EIF2B3: variants seen among roughly 807,000 people sequenced by gnomAD.
The protein encoded by EIF2B3 is translation initiation factor eIF2B subunit gamma.
Under a neutral mutation model 54.1 loss-of-function variants are expected in EIF2B3, and 20 were observed. That is an observed-to-expected ratio of 0.37 (90% CI 0.26 to 0.54). The LOEUF (loss-of-function observed/expected upper bound fraction) is 0.54, where lower values mean the gene tolerates loss of function less well. Among genes scored for constraint, EIF2B3 ranks in the 20% least tolerant of loss-of-function variants. The pLI is 0.86. For missense variants in EIF2B3, 448 were observed against 547.8 expected (o/e 0.82, Z 1.82); for synonymous variants, 153 against 188.1 (o/e 0.81, Z 1.52).
intron 6 of EIF2B3, among the ~76,000 whole-genome samples, chr1:44,890,115 G>A (rs1469035772): frequency 1.3e-5 from 2 of 152,210 alleles, no homozygotes; most frequent in Non-Finnish European, 2.9e-5. Context: ...CTCACTGAGA[G>A]ATAAGACTCT....
At chr1:44,982,221 A>T (rs2148966387) in intron 1 of EIF2B3, among the ~76,000 whole-genome samples, 1 of 152,318 alleles carries the variant, frequency 6.6e-6, no homozygotes, top group South Asian at 2.1e-4. Flanking sequence ...TAATAAACAA[A>T]CCTATTTGAC....
At chr1:44,926,003 G>A (rs756284341) in intron 5 of EIF2B3, among the ~76,000 whole-genome samples, 5 of 151,744 alleles carry the variant, frequency 3.3e-5, no homozygotes, top group Non-Finnish European at 7.4e-5. Flanking sequence ...CGAGGTGGGC[G>A]GATCACTTGA....
intron 6 of EIF2B3, among the ~76,000 whole-genome samples, chr1:44,895,857 T>C (rs1245519104): frequency 7.9e-5 from 12 of 152,234 alleles, no homozygotes. Context: ...TAAAAAGTCA[T>C]CCTTTCTAAC....
rs567560314 is a variant in EIF2B3, at chr1:44,978,545, A to G, written c.149-85T>C. 1,226 of 1,391,022 alleles carry G rather than the reference A, an allele frequency of 8.8e-4. 1 individual carries two copies. The highest frequency in any genetic ancestry group is 1.1e-3 in the Non-Finnish European group (1,089 of 1,017,024). 86.2% of individuals were successfully genotyped at this position (1,391,022 alleles called of 1,614,324 possible). On this transcript the variant is annotated intron_variant, in intron 2 of 11. Transcript: ENST00000360403. ...CCATTATTTCAATTAGATTTGGTCT[A>G]TTTCTAGGTGTAATAACAACTGCTA...
chr1:44,850,908 T>C lies in EIF2B3; in HGVS notation c.*43A>G. ...AAACAGGTGGGCCGGCCAACATCTG[T>C]GGCTTTGGAGGCCAAAAGGAAGGAG... On this transcript the variant is annotated 3_prime_UTR_variant, in exon 12 of 12. Transcript: ENST00000360403. 2 of 1,610,046 alleles carry C rather than the reference T, an allele frequency of 1.2e-6. No individual in the cohort carries two copies. Among genetic ancestry groups the C allele is most frequent in the Non-Finnish European group, 1.7e-6 (2 of 1,176,312 alleles).
chr1:44,853,994 GTT>G (rs113200962), intron 11 of EIF2B3, among the ~76,000 whole-genome samples: 4 of 137,468 alleles, frequency 2.9e-5, no homozygotes, highest in Non-Finnish European at 3.1e-5. Flanking sequence ...AGCAGTTAGT[GTT>G]TTTTTTTTTT....
chr1:44,982,764 C>CTTT (rs34092748), intron 1 of EIF2B3, among the ~76,000 whole-genome samples: 4 of 138,710 alleles, frequency 2.9e-5, no homozygotes, highest in Admixed American at 7.3e-5. Context: ...CCATGCCTGG[C>CTTT]TTTTTTTTTT....
chr1:44,943,065 G>C (rs2148943461), intron 3 of EIF2B3, among the ~76,000 whole-genome samples: 1 of 151,732 alleles, frequency 6.6e-6, no homozygotes, highest in South Asian at 2.1e-4. Context: ...CACCGTGTTA[G>C]CCAGGATGGT....
intron 8 of EIF2B3, among the ~76,000 whole-genome samples, 186 bp from the exon 9 acceptor site, chr1:44,875,881 C>T (rs1655112370): frequency 6.6e-6 from 1 of 152,238 alleles, no homozygotes; most frequent in African/African-American, 2.4e-5. Flanking sequence ...CTGCAACCTC[C>T]CTGCCTGATT....
At chr1:44,885,313 A>T (rs1021282909) in intron 6 of EIF2B3, among the ~76,000 whole-genome samples, 1 of 148,096 alleles carries the variant, frequency 6.8e-6, no homozygotes, top group African/African-American at 2.6e-5. Context: ...GATATGTGTT[A>T]AAAAAACATA....
At chr1:44,924,544 C>T (rs566692504) in intron 5 of EIF2B3, among the ~76,000 whole-genome samples, 6 of 152,068 alleles carry the variant, frequency 3.9e-5, no homozygotes, top group East Asian at 1.9e-4. Context: ...CATGCCACCA[C>T]GCCTGGCTAA....
chr1:44,940,174 G>C lies in EIF2B3; in HGVS notation c.454+1332C>G, dbSNP rs547476. Among the ~76,000 whole-genome samples the C allele has an allele frequency of 6.8e-3, 1,032 of 152,234 alleles. 13 individuals carry two copies. Among genetic ancestry groups the C allele is most frequent in the African/African-American group, 0.024 (980 of 41,550 alleles). ...ATTAACTAGATTATTCAAATCCTAA[G>C]TATGAAGGCTCTCAGTGGCTCTATT... On this transcript the variant is annotated intron_variant, in intron 4 of 11. Coordinates refer to ENST00000360403, the MANE Select transcript of EIF2B3 (RefSeq NM_020365.5).
At chr1:44,888,998 G>C (rs1003738265) in intron 6 of EIF2B3, among the ~76,000 whole-genome samples, 3 of 152,234 alleles carry the variant, frequency 2.0e-5, no homozygotes, top group African/African-American at 7.2e-5. Context: ...CTGTAGCTCA[G>C]CAGCTAAGGC....
At chr1:44,854,669 C>A (rs1654384200) in intron 11 of EIF2B3, among the ~76,000 whole-genome samples, 1 of 150,242 alleles carries the variant, frequency 6.7e-6, no homozygotes, top group South Asian at 2.1e-4. Flanking sequence ...CTCACCACAA[C>A]CTCTGCCTTC....
At chr1:44,911,573 A>C (rs913073454) in intron 5 of EIF2B3, among the ~76,000 whole-genome samples, 2 of 152,198 alleles carry the variant, frequency 1.3e-5, no homozygotes, top group African/African-American at 4.8e-5. Context: ...GCAGTTACTA[A>C]CACTCCATTG....
At chr1:44,880,603 A>G (rs182463037) in intron 7 of EIF2B3, among the ~76,000 whole-genome samples, 165 of 152,226 alleles carry the variant, frequency 1.1e-3, no homozygotes, top group Non-Finnish European at 1.9e-3. Context: ...TCTTACAACG[A>G]TCCTTTGAGA....
At chr1:44,901,071 A>ATT (rs1643284537) in intron 5 of EIF2B3, among the ~76,000 whole-genome samples, 1 of 152,142 alleles carries the variant, frequency 6.6e-6, no homozygotes, top group Non-Finnish European at 1.5e-5. Context: ...CAGTTTCCCA[A>ATT]AGAGGTGGGA....
intron 3 of EIF2B3, among the ~76,000 whole-genome samples, chr1:44,957,969 G>T (rs185224734): frequency 6.6e-6 from 1 of 152,138 alleles, no homozygotes; most frequent in Non-Finnish European, 1.5e-5. Context: ...AATCCCACTT[G>T]TAAGAATTTA....
In EIF2B3 at chr1:44,860,911, G is replaced by C. The variant is rs185825307; in HGVS notation, c.1203-3104C>G. On this transcript the variant is annotated intron_variant, in intron 10 of 11. Coordinates refer to ENST00000360403, the MANE Select transcript of EIF2B3 (RefSeq NM_020365.5). ...GGACATTCCAAGGACTAAAAACACT[G>C]ATACACAGACCATTAAAAAAGATTC... Among the ~76,000 whole-genome samples the C allele has an allele frequency of 7.2e-5, 11 of 152,264 alleles. No individual in the cohort carries two copies. The East Asian group carries it at 2.1e-3, about 29-fold the overall frequency.
Sources: gnomAD v4.1 joint callset for allele counts (sites outside exome capture counted in the v4.1 genomes callset) on GRCh38, gnomAD v4.1.1 for gene constraint, MANE v1.5 for transcripts, NCBI Gene and HGNC (gene_info 2026-07-23, HGNC 2026-07-21) for gene names.